CADM2: variants seen among roughly 807,000 people sequenced by gnomAD.
CADM2 encodes the protein cell adhesion molecule 2.
In CADM2, 12 loss-of-function variants were observed where a neutral mutation model predicts 49.8. The observed-to-expected ratio is 0.24, with a 90% CI of 0.15 to 0.39. The LOEUF (loss-of-function observed/expected upper bound fraction) is 0.39, where lower values mean the gene tolerates loss of function less well. Among genes scored for constraint, CADM2 ranks in the 10% least tolerant of loss-of-function variants. CADM2 has a pLI of 1.00. For missense variants in CADM2, 378 were observed against 492.3 expected (o/e 0.77, Z 2.20); for synonymous variants, 214 against 175.4 (o/e 1.22, Z -1.74).
intron 1 of CADM2, among the ~76,000 whole-genome samples, chr3:85,016,284 A>T (rs1272089033): frequency 6.6e-6 from 1 of 152,162 alleles, no homozygotes; most frequent in Non-Finnish European, 1.5e-5. Context: ...AATAATATAA[A>T]TCAATATTTA....
At chr3:85,359,666 A>ATATATATATTTTTTTTTTT in intron 1 of CADM2, among the ~76,000 whole-genome samples, 4 of 26,556 alleles carry the variant, frequency 1.5e-4, no homozygotes, top group East Asian at 1.3e-3. Flanking sequence ...ATATATATAT[A>ATATATATATTTTTTTTTTT]TTTTTTTTTT....
intron 1 of CADM2, among the ~76,000 whole-genome samples, chr3:85,093,899 G>A (rs969763318): frequency 6.6e-6 from 1 of 152,096 alleles, no homozygotes; most frequent in African/African-American, 2.4e-5. Context: ...ATTCCTGTGG[G>A]ATGGCTGACA....
chr3:85,229,963 C>G (rs1044290134), intron 1 of CADM2, among the ~76,000 whole-genome samples: 1 of 152,124 alleles, frequency 6.6e-6, no homozygotes, highest in Admixed American at 6.5e-5. Context: ...TGTAAGATAA[C>G]TTGTGTTATT....
intron 2 of CADM2, among the ~76,000 whole-genome samples, chr3:85,753,397 A>C (rs1372492905): frequency 6.6e-6 from 1 of 152,158 alleles, no homozygotes; most frequent in East Asian, 1.9e-4. Context: ...AACAGGAAAA[A>C]AAATGTGATT....
At chr3:85,041,387 C>T (rs2035433354) in intron 1 of CADM2, among the ~76,000 whole-genome samples, 1 of 151,880 alleles carries the variant, frequency 6.6e-6, no homozygotes, top group African/African-American at 2.4e-5. Flanking sequence ...TGTGTGTTTG[C>T]GTGGAGAGGG....
At chr3:85,966,749 A>G (rs1475383691) in intron 8 of CADM2, among the ~76,000 whole-genome samples, 1 of 151,672 alleles carries the variant, frequency 6.6e-6, no homozygotes, top group Non-Finnish European at 1.5e-5. Flanking sequence ...TAGTCTCTCT[A>G]AAGTATCACT....
intron 5 of CADM2, among the ~76,000 whole-genome samples, chr3:85,911,830 A>T (rs533371566): frequency 6.6e-6 from 1 of 152,304 alleles, no homozygotes; most frequent in South Asian, 2.1e-4. Flanking sequence ...GTGCCTGATT[A>T]TAAGCTAGGT....
intron 1 of CADM2, among the ~76,000 whole-genome samples, chr3:85,428,556 T>A (rs1437776501): frequency 6.9e-6 from 1 of 145,796 alleles, no homozygotes; most frequent in East Asian, 2.0e-4. Flanking sequence ...ATAATATATA[T>A]GATATATATG....
intron 1 of CADM2, among the ~76,000 whole-genome samples, chr3:85,630,825 A>G (rs943228665): frequency 6.6e-6 from 1 of 151,982 alleles, no homozygotes; most frequent in Non-Finnish European, 1.5e-5. Context: ...ATTTCTCTAT[A>G]TAACTCCCTC....
chr3:85,098,656 A>G (rs767053325), intron 1 of CADM2, among the ~76,000 whole-genome samples: 17 of 152,186 alleles, frequency 1.1e-4, no homozygotes, highest in Non-Finnish European at 1.3e-4. Flanking sequence ...GTCCCTCAGT[A>G]CACATGGGGT....
chr3:85,640,960 T>G lies in CADM2; in HGVS notation c.62-85562T>G, dbSNP rs1320436089. 2.0e-5 allele frequency among the ~76,000 whole-genome samples: 3 copies of G among 152,202 alleles called. No individual in the cohort carries two copies. In the East Asian group the frequency reaches 5.8e-4, roughly 29 times the overall value. On this transcript the variant is annotated intron_variant, in intron 1 of 9. Transcript: ENST00000383699. ...TTTTTGCCTAATCTATACCTTATTA[T>G]GCTCACATTCCAGAGCCAACTAAAC...
At chr3:86,049,433 C>A (rs1737078387) in intron 8 of CADM2, among the ~76,000 whole-genome samples, 1 of 151,832 alleles carries the variant, frequency 6.6e-6, no homozygotes, top group South Asian at 2.1e-4. Flanking sequence ...CGCCACCACG[C>A]CCGGCTAATT....
chr3:85,660,807 A>C (rs560619263), intron 1 of CADM2, among the ~76,000 whole-genome samples: 1 of 152,172 alleles, frequency 6.6e-6, no homozygotes, highest in South Asian at 2.1e-4. Context: ...AGATATTTCC[A>C]AAGGGAAAAC....
At chr3:85,518,095 C>T (rs905394847) in intron 1 of CADM2, among the ~76,000 whole-genome samples, 5 of 152,140 alleles carry the variant, frequency 3.3e-5, no homozygotes, top group Non-Finnish European at 7.3e-5. Context: ...CGATCTCTGC[C>T]TCCCGGGTTC....
intron 1 of CADM2, among the ~76,000 whole-genome samples, chr3:85,092,725 C>G (rs2037644545): frequency 6.6e-6 from 1 of 152,060 alleles, no homozygotes; most frequent in Admixed American, 6.6e-5. Flanking sequence ...CCCCTTAATT[C>G]CAGATCTTTT....
At chr3:85,182,367 A>G (rs1397292897) in intron 1 of CADM2, among the ~76,000 whole-genome samples, 1 of 152,052 alleles carries the variant, frequency 6.6e-6, no homozygotes, top group Non-Finnish European at 1.5e-5. Flanking sequence ...CAGTAATACC[A>G]TGTTGGCATC....
chr3:86,023,461 C>T (rs1251074548), intron 8 of CADM2, among the ~76,000 whole-genome samples: 1 of 152,114 alleles, frequency 6.6e-6, no homozygotes. Flanking sequence ...CGGGTTCAAG[C>T]AATTTTCCTG....
chr3:85,636,341 A>T (rs944570383), intron 1 of CADM2, among the ~76,000 whole-genome samples: 6 of 152,234 alleles, frequency 3.9e-5, no homozygotes, highest in Non-Finnish European at 5.9e-5. Flanking sequence ...TAAAAAATAA[A>T]AAGGTTACTT....
At chr3:85,474,405 A>G (rs1190124109) in intron 1 of CADM2, among the ~76,000 whole-genome samples, 3 of 151,904 alleles carry the variant, frequency 2.0e-5, no homozygotes, top group Non-Finnish European at 4.4e-5. Context: ...AGGCCTACCC[A>G]CGTCATATTC....
Sources: allele counts gnomAD v4.1 joint callset (sites outside exome capture counted in the v4.1 genomes callset), GRCh38; gene constraint gnomAD v4.1.1; transcripts MANE v1.5; gene names NCBI Gene and HGNC (gene_info 2026-07-23, HGNC 2026-07-21).